The following LTV1 variants were observed in gnomAD, a reference collection of about 807,000 sequenced individuals.
LTV1 encodes the protein protein LTV1 homolog.
Under a neutral mutation model 59.9 loss-of-function variants are expected in LTV1, and 39 were observed. The ratio of observed to expected loss-of-function variants is 0.65; its 90% CI spans 0.50 to 0.85. The LOEUF is 0.85. Among genes scored for constraint, LTV1 ranks in the 40% least tolerant of loss-of-function variants. The probability of loss-of-function intolerance (pLI) is 0.00; values close to 1 mark genes in which losing one functional copy is unlikely to be tolerated. For missense variants in LTV1, 493 were observed against 549.1 expected, an observed-to-expected ratio of 0.90 and a Z score of 1.02; for synonymous variants, 171 against 189.5, an observed-to-expected ratio of 0.90 and a Z score of 0.80.
Position 143,862,059 on chromosome 6 carries a change from AT to A in LTV1, c.924-40del, listed in dbSNP as rs1294480767. Reference sequence around the variant, plus strand: ...TAGTGACATAGTATAATAATAGGTCATTTTTCCCCCTCTTGGTCTTCACTTT... The same window carrying A: ...TAGTGACATAGTATAATAATAGGTCATTTTCCCCCTCTTGGTCTTCACTTT... On this transcript the variant is annotated intron_variant, in intron 7 of 10. Coordinates refer to ENST00000367576, the MANE Select transcript of LTV1 (RefSeq NM_032860.5). The surrounding 1 kb of genome is among the most constrained non-coding windows in gnomAD (Gnocchi z 4.2). 6 of 1,585,514 alleles carry A rather than the reference AT, an allele frequency of 3.8e-6. No individual in the cohort carries two copies. Among genetic ancestry groups the A allele is most frequent in the South Asian group, 2.3e-5 (2 of 86,416 alleles).
rs1042906891 is a variant in LTV1, at chr6:143,857,547, A to G, written c.539+103A>G. 8.5e-7 allele frequency: 1 copy of G among 1,172,538 alleles called. No homozygotes were observed. Among genetic ancestry groups the G allele is most frequent in the Non-Finnish European group, 1.2e-6 (1 of 810,928 alleles). 72.6% of individuals were successfully genotyped at this position (1,172,538 alleles called of 1,614,324 possible). ...ACAGTTGGAAGAGACCTTCAAGAGC[A>G]TTTAATCTGAGACTTCTGTATTTTA... On this transcript the variant is annotated intron_variant, in intron 5 of 10. Coordinates refer to ENST00000367576, the MANE Select transcript of LTV1 (RefSeq NM_032860.5). The surrounding 1 kb of genome is among the most constrained non-coding windows in gnomAD (Gnocchi z 5.2).
chr6:143,847,550 G>A (rs1298852540), intron 3 of LTV1, among the ~76,000 whole-genome samples: 2 of 152,116 alleles, frequency 1.3e-5, no homozygotes, highest in Admixed American at 6.5e-5. Context: ...TAGTAGAGCC[G>A]GGGTTTCTCC....
intron 7 of LTV1, among the ~76,000 whole-genome samples, chr6:143,861,131 A>G (rs1038297426): frequency 6.6e-6 from 1 of 152,204 alleles, no homozygotes. Context: ...TCTTGACCTC[A>G]TGTAATATGC....
intron 7 of LTV1, 129 bp downstream of exon 7, chr6:143,860,682 G>A: frequency 1.1e-5 from 8 of 725,830 alleles, no homozygotes; most frequent in Admixed American, 3.5e-5. Flanking sequence ...TTGAGAAAAT[G>A]AAAAAGGAAA....
intron 2 of LTV1, 129 bp from the exon 3 acceptor site, chr6:143,845,922 T>C: frequency 2.7e-6 from 2 of 736,830 alleles, no homozygotes; most frequent in Non-Finnish European, 4.3e-6. Flanking sequence ...AAAATGTTCA[T>C]GTGCCATCTG....
chr6:143,851,651 G>A (rs1017917778), intron 4 of LTV1, among the ~76,000 whole-genome samples: 1 of 151,512 alleles, frequency 6.6e-6, no homozygotes, highest in African/African-American at 2.4e-5. Flanking sequence ...AGGTATACAC[G>A]TCATGGTGGT....
At position 143,857,879 on chromosome 6, in the gene LTV1, C is replaced by T; in HGVS notation, c.667C>T (p.His223Tyr). 2 of 1,614,114 alleles carry T rather than the reference C, an allele frequency of 1.2e-6. No homozygotes were observed. Among genetic ancestry groups the T allele is most frequent in the Non-Finnish European group, 1.7e-6 (2 of 1,180,018 alleles). Residue 223 changes from histidine to tyrosine, a missense_variant, in exon 6 of 11, where the codon CAC (histidine) becomes TAC (tyrosine). Transcript: ENST00000367576. The surrounding 1 kb of genome is among the most constrained non-coding windows in gnomAD (Gnocchi z 5.2). ...EDCMSVPGKT[H>Y]RAIADHLFWS... ...CTGTATGTCTGTGCCCGGAAAAACT[C>T]ACAGAGCTATAGCAGATCACTTGTT...
chr6:143,856,883 G>A (rs778514551), intron 4 of LTV1, among the ~76,000 whole-genome samples: 2 of 152,202 alleles, frequency 1.3e-5, no homozygotes, highest in Non-Finnish European at 2.9e-5. Flanking sequence ...CCTGATGGGA[G>A]GTGTCTCCTA....
At chr6:143,847,227 T>A (rs1438817698) in intron 3 of LTV1, among the ~76,000 whole-genome samples, 1 of 152,240 alleles carries the variant, frequency 6.6e-6, no homozygotes, top group Non-Finnish European at 1.5e-5. Context: ...AGGGACTTAT[T>A]GGCTCACTTG....
Position 143,862,815 on chromosome 6 carries a change from T to C in LTV1, c.1064-29T>C. ...TTTGTGGAACTGAAAACATGCTTAC[T>C]GATACATGACTTTTATTTGTTTGTT... On this transcript the variant is annotated intron_variant, in intron 8 of 10. Coordinates refer to ENST00000367576, the MANE Select transcript of LTV1 (RefSeq NM_032860.5). The surrounding 1 kb of genome is among the most constrained non-coding windows in gnomAD (Gnocchi z 4.2). 1 of 1,371,844 alleles carries C rather than the reference T, an allele frequency of 7.3e-7. No homozygotes were observed. Among genetic ancestry groups the C allele is most frequent in the Non-Finnish European group, 1.0e-6 (1 of 959,842 alleles). 85.0% of individuals were successfully genotyped at this position (1,371,844 alleles called of 1,614,324 possible).
chr6:143,852,776 T>G (rs188133565), intron 4 of LTV1, among the ~76,000 whole-genome samples: 133 of 152,352 alleles, frequency 8.7e-4, no homozygotes, highest in African/African-American at 3.0e-3. Context: ...CAATTTCAGT[T>G]TTCTGCATAT....
Position 143,863,220 on chromosome 6 carries a change from A to G in LTV1, c.1251A>G (p.Pro417=). Residue 417 remains proline (P), a synonymous_variant, in exon 10 of 11, where the codon CCA becomes CCG. Transcript: ENST00000367576. The surrounding 1 kb of genome is among the most constrained non-coding windows in gnomAD (Gnocchi z 4.5). ...GSDLPKVSTQ[P]RSKNESKEDK... ...ATCTTCCTAAAGTATCAACTCAGCC[A>G]CGTTCTAAAAATGAAAGCAAAGAAG... 1 of 1,614,088 alleles carries G rather than the reference A, an allele frequency of 6.2e-7. No homozygotes were observed. Among genetic ancestry groups the G allele is most frequent in the East Asian group, 2.2e-5 (1 of 44,832 alleles).
intron 7 of LTV1, 132 bp from the exon 8 acceptor site, chr6:143,861,972 A>G: frequency 1.2e-6 from 1 of 805,092 alleles, no homozygotes; most frequent in Non-Finnish European, 1.9e-6. Context: ...AAAATAACGG[A>G]TGGGTCACTG....
intron 7 of LTV1, among the ~76,000 whole-genome samples, chr6:143,861,783 G>A (rs934823259): frequency 7.0e-6 from 1 of 143,034 alleles, no homozygotes; most frequent in Non-Finnish European, 1.6e-5. Flanking sequence ...ATAGTTGAGT[G>A]AAATATTCGA....
At chr6:143,848,701 CAT>C (rs908498335) in intron 3 of LTV1, among the ~76,000 whole-genome samples, 1 of 152,132 alleles carries the variant, frequency 6.6e-6, no homozygotes, top group African/African-American at 2.4e-5. Flanking sequence ...CTAGCAAGCA[CAT>C]GTTTGAGTAG....
chr6:143,852,321 C>A (rs1004152018), intron 4 of LTV1, among the ~76,000 whole-genome samples: 5 of 152,166 alleles, frequency 3.3e-5, no homozygotes, highest in Admixed American at 6.5e-5. Flanking sequence ...TCTATAATGA[C>A]CAGTGATGAT....
chr6:143,861,097 A>G (rs1327184706), intron 7 of LTV1, among the ~76,000 whole-genome samples: 2 of 151,952 alleles, frequency 1.3e-5, no homozygotes, highest in Non-Finnish European at 2.9e-5. Context: ...GGGTTCCACC[A>G]TGTTGGCCAG....
Position 143,857,648 on chromosome 6 carries a change from C to A in LTV1, c.540-104C>A. 1 of 1,332,224 alleles carries A rather than the reference C, an allele frequency of 7.5e-7. No individual in the cohort carries two copies. 82.5% of individuals were successfully genotyped at this position (1,332,224 alleles called of 1,614,324 possible). On this transcript the variant is annotated intron_variant, in intron 5 of 10. Transcript: ENST00000367576. The surrounding 1 kb of genome is among the most constrained non-coding windows in gnomAD (Gnocchi z 5.2). ...AACACCCTCACTCTTCCTGCCTAGA[C>A]AAGAACCCTTCCTGAAATACCTTCC...
chr6:143,856,356 A>G (rs1485654615), intron 4 of LTV1, among the ~76,000 whole-genome samples: 1 of 152,160 alleles, frequency 6.6e-6, no homozygotes, highest in Admixed American at 6.5e-5. Flanking sequence ...CAAGGTTTTT[A>G]GCTTCCTTGC....
Sources: allele counts gnomAD v4.1 joint callset (sites outside exome capture counted in the v4.1 genomes callset), GRCh38; gene constraint gnomAD v4.1.1; non-coding constraint Gnocchi (gnomAD v3.1); transcripts MANE v1.5; gene names NCBI Gene and HGNC (gene_info 2026-07-23, HGNC 2026-07-21).